The following NRXN3 variants were observed in gnomAD, a reference collection of about 807,000 sequenced individuals.
NRXN3 encodes neurexin 3, also known as neurexin III.
NRXN3 carries 32 observed loss-of-function variants against 137.6 expected under a neutral mutation model. The observed-to-expected ratio is 0.23, with a 90% CI of 0.18 to 0.31. NRXN3 has a LOEUF of 0.31. NRXN3 is among the 10% of genes least tolerant of loss of function. The probability of loss-of-function intolerance (pLI) is 1.00; values close to 1 mark genes in which losing one functional copy is unlikely to be tolerated. For synonymous variants in NRXN3, 798 were observed against 784.5 expected, an observed-to-expected ratio of 1.02 and a Z score of -0.29; for missense variants, 1,574 against 2,062.5, an observed-to-expected ratio of 0.76 and a Z score of 4.59.
chr14:79,718,340 G>A (rs2098830694), intron 19 of NRXN3, among the ~76,000 whole-genome samples: 1 of 152,178 alleles, frequency 6.6e-6, no homozygotes. Context: ...TCTGGTGTGA[G>A]GTAAGATCTG....
intron 16 of NRXN3, among the ~76,000 whole-genome samples, chr14:79,552,870 G>A (rs1241720358): frequency 6.6e-6 from 1 of 152,136 alleles, no homozygotes; most frequent in Non-Finnish European, 1.5e-5. Context: ...AACTCTGTCT[G>A]GGTGTGTTGT....
At chr14:78,999,884 T>C (rs2099537888) in intron 15 of NRXN3, among the ~76,000 whole-genome samples, 1 of 152,224 alleles carries the variant, frequency 6.6e-6, no homozygotes, top group Admixed American at 6.5e-5. Flanking sequence ...AACAGTCTAG[T>C]ACTCTAGTGA....
chr14:79,361,842 A>G (rs186604830), intron 15 of NRXN3, among the ~76,000 whole-genome samples: 2 of 152,154 alleles, frequency 1.3e-5, no homozygotes, highest in Non-Finnish European at 2.9e-5. Context: ...TATCAAGAAT[A>G]CAGGAGAATG....
At chr14:78,682,459 T>C (rs1477289418) in intron 6 of NRXN3, among the ~76,000 whole-genome samples, 2 of 151,822 alleles carry the variant, frequency 1.3e-5, no homozygotes, top group African/African-American at 2.4e-5. Flanking sequence ...TTGACAGTCA[T>C]TGGGCTTTTT....
chr14:78,471,283 A>G (rs1236213149), intron 4 of NRXN3, among the ~76,000 whole-genome samples: 1 of 128,644 alleles, frequency 7.8e-6, no homozygotes, highest in African/African-American at 2.8e-5. Context: ...CTTCTCTTCA[A>G]CACACTCAAC....
intron 19 of NRXN3, among the ~76,000 whole-genome samples, chr14:79,773,343 G>T (rs2099085436): frequency 6.6e-6 from 1 of 152,000 alleles, no homozygotes; most frequent in Non-Finnish European, 1.5e-5. Flanking sequence ...GTTTATTGCG[G>T]CATTATTCAC....
At chr14:78,960,739 T>A (rs2099406521) in intron 11 of NRXN3, among the ~76,000 whole-genome samples, 1 of 152,214 alleles carries the variant, frequency 6.6e-6, no homozygotes, top group East Asian at 1.9e-4. Flanking sequence ...AACTTGCCCT[T>A]GCTAGTAGAA....
At chr14:78,450,436 G>A (rs2094524440) in intron 4 of NRXN3, among the ~76,000 whole-genome samples, 1 of 152,188 alleles carries the variant, frequency 6.6e-6, no homozygotes. Flanking sequence ...GGCAGGAACT[G>A]TGCTCCAGTC....
chr14:79,006,920 C>A (rs1045936215), intron 15 of NRXN3, among the ~76,000 whole-genome samples: 1 of 152,144 alleles, frequency 6.6e-6, no homozygotes, highest in African/African-American at 2.4e-5. Flanking sequence ...AAATGAAGTA[C>A]TACAGGGCTC....
chr14:79,712,472 A>G (rs2098807954), intron 19 of NRXN3, among the ~76,000 whole-genome samples: 1 of 152,336 alleles, frequency 6.6e-6, no homozygotes, highest in South Asian at 2.1e-4. Context: ...TTGTTCCACA[A>G]CTATTCACCA....
At chr14:79,630,507 T>C (rs1340300689) in intron 16 of NRXN3, among the ~76,000 whole-genome samples, 1 of 152,220 alleles carries the variant, frequency 6.6e-6, no homozygotes, top group Non-Finnish European at 1.5e-5. Flanking sequence ...TTTCTTCTAC[T>C]TGGGACTTGA....
At chr14:79,718,952 C>T (rs906670143) in intron 19 of NRXN3, among the ~76,000 whole-genome samples, 8 of 152,046 alleles carry the variant, frequency 5.3e-5, no homozygotes, top group African/African-American at 1.9e-4. Flanking sequence ...ATTCCACCTC[C>T]AACTCTTGAT....
chr14:79,833,927 C>A (rs974340588), intron 20 of NRXN3, among the ~76,000 whole-genome samples: 1 of 152,112 alleles, frequency 6.6e-6, no homozygotes, highest in African/African-American at 2.4e-5. Context: ...AGCAACCATT[C>A]TAATATATAT....
At chr14:79,620,464 A>T (rs527845112) in intron 16 of NRXN3, among the ~76,000 whole-genome samples, 2 of 152,188 alleles carry the variant, frequency 1.3e-5, no homozygotes, top group South Asian at 4.1e-4. Context: ...TGAAGGGAAA[A>T]CTTATTAGGA....
rs749911256 is a variant in NRXN3 at position 78,645,382 on chromosome 14, C to T, written c.1020C>T (p.Asn340=). The change falls in exon 5 of 21, where the codon AAC becomes AAT. Residue 340 remains asparagine (N), a synonymous_variant. Transcript: ENST00000335750. ...CAGTGAATGGAAAATTCAACGACAA[C>T]GCCTGGCATGATGTCAAAGTGACAC... is the stretch of plus-strand genomic sequence containing the variant. The part of the protein sequence containing the change: ...VEPVNGKFND[N]AWHDVKVTRN... 10 of 1,596,090 alleles carry T rather than the reference C, an allele frequency of 6.3e-6. No homozygotes were observed. In the East Asian group the frequency reaches 8.9e-5, roughly 14 times the overall value.
intron 11 of NRXN3, among the ~76,000 whole-genome samples, chr14:78,959,922 C>A (rs2099404877): frequency 1.3e-5 from 2 of 152,040 alleles, no homozygotes; most frequent in South Asian, 4.2e-4. Flanking sequence ...ACAGTGAGTT[C>A]GTTTCATTTT....
intron 15 of NRXN3, among the ~76,000 whole-genome samples, chr14:79,132,186 G>A (rs565617409): frequency 1.3e-5 from 2 of 152,192 alleles, no homozygotes; most frequent in South Asian, 2.1e-4. Flanking sequence ...TTCCTATTCC[G>A]CCATCTTGGC....
At chr14:79,853,030 C>T (rs1469579145) in intron 20 of NRXN3, among the ~76,000 whole-genome samples, 1 of 152,168 alleles carries the variant, frequency 6.6e-6, no homozygotes, top group Non-Finnish European at 1.5e-5. Flanking sequence ...ATCCTCACAT[C>T]CACATCTTTC....
Position 79,722,303 on chromosome 14 carries a change from C to T in NRXN3, c.4014+24366C>T, listed in dbSNP as rs536743849. Among the ~76,000 whole-genome samples the T allele has an allele frequency of 7.2e-5, 11 of 152,106 alleles. No individual in the cohort carries two copies. The East Asian group carries it at 7.8e-4, about 11-fold the overall frequency. Reference sequence around the variant, plus strand: ...TATAGTCAGGAATAACTTTTTGCAGCGCATGTATGAGTAAGCAAGCCCTAG... The same window carrying T: ...TATAGTCAGGAATAACTTTTTGCAGTGCATGTATGAGTAAGCAAGCCCTAG... On this transcript the variant is annotated intron_variant, in intron 19 of 20. Coordinates refer to ENST00000335750, the MANE Select transcript of NRXN3 (RefSeq NM_001330195.2).
Sources: allele counts gnomAD v4.1 joint callset (sites outside exome capture counted in the v4.1 genomes callset), GRCh38; gene constraint gnomAD v4.1.1; transcripts MANE v1.5; gene names NCBI Gene and HGNC (gene_info 2026-07-23, HGNC 2026-07-21).